Variants in POLN observed in about 807,000 individuals in gnomAD.
POLN encodes the protein DNA polymerase N.
A neutral mutation model predicts 113.5 loss-of-function variants in POLN; 108 were observed. The ratio of observed to expected loss-of-function variants is 0.95; its 90% CI spans 0.81 to 1.12. The LOEUF is 1.12. Among genes scored for constraint, POLN ranks in the 50% most tolerant of loss-of-function variants. POLN has a pLI of 0.00. For synonymous variants in POLN, 386 were observed against 391.5 expected (o/e 0.99, Z 0.17); for missense variants, 1,097 against 1,077.1 (o/e 1.02, Z -0.26).
chr4:2,158,247 C>T (rs1045038805), intron 14 of POLN, among the ~76,000 whole-genome samples: 5 of 152,254 alleles, frequency 3.3e-5, no homozygotes, highest in South Asian at 2.1e-4. Context: ...CCACCATGCC[C>T]GGCCTAAGTC....
At position 2,072,935 on chromosome 4, in the gene POLN, C is replaced by T. The variant is rs550743860; in HGVS notation, c.2517+33G>A. ...GCTGGCCTCCCCTCACCCTGGGCTC[C>T]GGAAGACCGGGCAGGCTTAAGTGTC... is the stretch of plus-strand genomic sequence containing the variant. On this transcript the variant is annotated intron_variant, in intron 25 of 25. Coordinates refer to ENST00000511885, the MANE Select transcript of POLN (RefSeq NM_181808.4). The T allele has an allele frequency of 2.9e-4, 460 of 1,609,896 alleles. 7 individuals are homozygous for T. In the South Asian group the frequency reaches 4.6e-3, roughly 16 times the overall value.
At chr4:2,078,577 G>C (rs373722433) in intron 23 of POLN, 1 of 984,704 alleles carries the variant, frequency 1.0e-6, no homozygotes, top group Non-Finnish European at 1.2e-6. Context: ...CCCAGTGATC[G>C]AGTTTCATGC....
chr4:2,226,549 G>A (rs1189873555), intron 3 of POLN, among the ~76,000 whole-genome samples: 1 of 152,060 alleles, frequency 6.6e-6, no homozygotes, highest in Non-Finnish European at 1.5e-5. Context: ...AATGTGTTTT[G>A]CATTTTTAGT....
At chr4:2,075,606 G>T (rs1730256738) in intron 23 of POLN, 87 bp from the exon 24 acceptor site, 7 of 1,430,274 alleles carry the variant, frequency 4.9e-6, no homozygotes, top group African/African-American at 1.4e-5. Context: ...GAGTCAACCT[G>T]GGAGGCCAGG....
chr4:2,112,822 G>T (rs541116828), intron 19 of POLN, among the ~76,000 whole-genome samples: 2 of 152,214 alleles, frequency 1.3e-5, no homozygotes, highest in African/African-American at 4.8e-5. Context: ...GTGGAAGTCA[G>T]TGTGGCGATT....
At chr4:2,150,858 A>G (rs1732275474) in intron 16 of POLN, among the ~76,000 whole-genome samples, 3 of 152,366 alleles carry the variant, frequency 2.0e-5, no homozygotes, top group Admixed American at 2.0e-4. Flanking sequence ...GTAAAGCCCA[A>G]AACTATAATA....
chr4:2,240,358 G>A (rs917609124), intron 2 of POLN: 1 of 1,602,134 alleles, frequency 6.2e-7, no homozygotes, highest in Non-Finnish European at 8.5e-7. Context: ...AAGGAAAATT[G>A]CGATAAAAAT....
chr4:2,163,514 C>CCGGCTGCAGACACCACATT (rs1413527871), intron 13 of POLN, among the ~76,000 whole-genome samples: 5 of 152,276 alleles, frequency 3.3e-5, no homozygotes, highest in Admixed American at 3.3e-4. Flanking sequence ...GCGCTCTGCG[C>CCGGCTGCAGACACCACATT]CGGCTGCAGA....
chr4:2,224,901 G>A (rs1055893411), intron 3 of POLN, among the ~76,000 whole-genome samples: 1 of 151,964 alleles, frequency 6.6e-6, no homozygotes, highest in Non-Finnish European at 1.5e-5. Context: ...AGTGAGCCGA[G>A]ATTGCACCAC....
At chr4:2,221,629 T>C (rs6847850) in intron 3 of POLN, among the ~76,000 whole-genome samples, 12,619 of 152,242 alleles carry the variant, frequency 0.083, 789 homozygotes, top group African/African-American at 0.17. Flanking sequence ...CAGGCTGGAG[T>C]GCAGTGGTGT....
At chr4:2,183,667 G>A (rs908733046) in intron 7 of POLN, among the ~76,000 whole-genome samples, 3 of 152,120 alleles carry the variant, frequency 2.0e-5, no homozygotes, top group Non-Finnish European at 4.4e-5. Flanking sequence ...TGAGAAAGGG[G>A]GGATGGGGAG....
chr4:2,209,480 GAAAA>G (rs1245386319), intron 4 of POLN, among the ~76,000 whole-genome samples: 1 of 72,194 alleles, frequency 1.4e-5, no homozygotes. Context: ...CTCCGTCTCA[GAAAA>G]AAAAAAAAAA....
chr4:2,227,530 T>G (rs1359846094), intron 3 of POLN: 1 of 152,242 alleles, frequency 6.6e-6, no homozygotes, highest in Non-Finnish European at 1.5e-5. Flanking sequence ...AAAATCCTTA[T>G]GAAAATTCCA....
chr4:2,210,879 C>T (rs2108765423), intron 4 of POLN, among the ~76,000 whole-genome samples: 1 of 149,088 alleles, frequency 6.7e-6, no homozygotes, highest in Admixed American at 6.7e-5. Flanking sequence ...CGAGATCGCG[C>T]CACTGCACTC....
intron 3 of POLN, among the ~76,000 whole-genome samples, chr4:2,220,952 G>A (rs1287471031): frequency 1.3e-5 from 2 of 151,568 alleles, no homozygotes; most frequent in Non-Finnish European, 2.9e-5. Context: ...TGTTTTTTCT[G>A]TTTCTCCCTC....
chr4:2,078,695 A>G, intron 23 of POLN: 1 of 985,482 alleles, frequency 1.0e-6, no homozygotes, highest in Non-Finnish European at 1.2e-6. Context: ...TCACGTTCAC[A>G]AAACACAGAC....
intron 19 of POLN, among the ~76,000 whole-genome samples, chr4:2,098,323 G>A (rs771837223): frequency 6.6e-6 from 1 of 152,190 alleles, no homozygotes; most frequent in African/African-American, 2.4e-5. Context: ...GGAGGCTGAG[G>A]TGGGAGGACT....
intron 3 of POLN, 113 bp downstream of exon 3, chr4:2,228,986 G>T: frequency 9.6e-7 from 1 of 1,039,528 alleles, no homozygotes; most frequent in Non-Finnish European, 1.4e-6. Context: ...AGTGTAAAAG[G>T]GGCGGGAGCT....
At chr4:2,192,102 G>A (rs1432910731) in intron 7 of POLN, among the ~76,000 whole-genome samples, 5 of 129,486 alleles carry the variant, frequency 3.9e-5, no homozygotes, top group African/African-American at 9.9e-5. Context: ...GCGACAGAGC[G>A]AGACTCCATC....
Sources: allele counts gnomAD v4.1 joint callset (sites outside exome capture counted in the v4.1 genomes callset), GRCh38; gene constraint gnomAD v4.1.1; transcripts MANE v1.5; gene names NCBI Gene and HGNC (gene_info 2026-07-23, HGNC 2026-07-21).